The following CRTC1 variants were observed in gnomAD, a reference collection of about 807,000 sequenced individuals.
CRTC1 encodes the protein CREB-regulated transcription coactivator 1.
CRTC1 carries 18 observed loss-of-function variants against 66.1 expected under a neutral mutation model. That is an observed-to-expected ratio of 0.27 (90% CI 0.19 to 0.40). The LOEUF is 0.40. Ranked by LOEUF, CRTC1 falls within the 10% of genes least tolerant of loss-of-function variation. The pLI, the probability that CRTC1 is intolerant of heterozygous loss-of-function variation, is 1.00. For missense variants in CRTC1, 669 were observed against 887.9 expected (o/e 0.75, Z 3.13); for synonymous variants, 416 against 398.8 (o/e 1.04, Z -0.51).
rs1190745753 is a variant in CRTC1, at chr19:18,760,850, C to T, written c.886+622C>T. On this transcript the variant is annotated intron_variant, in intron 8 of 13. Coordinates refer to ENST00000321949, the MANE Select transcript of CRTC1 (RefSeq NM_015321.3). The surrounding 1 kb of genome is among the most constrained non-coding windows in gnomAD (Gnocchi z 6.2). ...TGTCCTTTCCCAGACATGGACCTGA[C>T]CCATTGTCAGCGTGTCCTGTCGGTT... is the stretch of plus-strand genomic sequence containing the variant. Among the ~76,000 whole-genome samples, 1 of 151,954 alleles carries T rather than the reference C, an allele frequency of 6.6e-6. No individual in the cohort carries two copies. The highest frequency in any genetic ancestry group is 1.5e-5 in the Non-Finnish European group (1 of 67,974).
chr19:18,695,220 C>T (rs767671972), intron 1 of CRTC1, among the ~76,000 whole-genome samples: 2 of 151,956 alleles, frequency 1.3e-5, no homozygotes, highest in African/African-American at 2.4e-5. Flanking sequence ...TTTGCCAGGC[C>T]GGTCTCGAAC....
Position 18,780,731 on chromosome 19 carries a change from G to A in CRTC1, c.*3349G>A. 4.6e-6 allele frequency: 1 copy of A among 216,660 alleles called. No individual in the cohort carries two copies. The highest frequency in any genetic ancestry group is 9.3e-6 in the Non-Finnish European group (1 of 107,456). 13.4% of individuals were successfully genotyped at this position (216,660 alleles called of 1,614,324 possible). ...TTTTTTAGAGATGGGGTCTTGCTGT[G>A]TTGCCCAGGCTGGTCTCGGACTCCT... is the stretch of plus-strand genomic sequence containing the variant. On this transcript the variant is annotated 3_prime_UTR_variant, in exon 14 of 14. Coordinates refer to ENST00000321949, the MANE Select transcript of CRTC1 (RefSeq NM_015321.3).
intron 2 of CRTC1, 139 bp downstream of exon 2, chr19:18,743,165 C>T (rs2054148172): frequency 1.4e-6 from 1 of 713,780 alleles, no homozygotes; most frequent in East Asian, 2.7e-5. Flanking sequence ...CCTTGTCTGC[C>T]CTGGGAACCA....
intron 1 of CRTC1, among the ~76,000 whole-genome samples, chr19:18,730,639 G>A (rs1248786105): frequency 2.0e-5 from 3 of 152,054 alleles, no homozygotes; most frequent in African/African-American, 7.2e-5. Flanking sequence ...TCCCACCCCT[G>A]CAGTTCCTGC....
chr19:18,773,454 G>A (rs141281747), intron 11 of CRTC1, among the ~76,000 whole-genome samples: 3 of 152,280 alleles, frequency 2.0e-5, no homozygotes, highest in African/African-American at 7.2e-5. Context: ...GTGTTCCCCT[G>A]TGTATGCCAG....
intron 4 of CRTC1, 25 bp downstream of exon 4, chr19:18,747,139 C>A (rs549673260): frequency 9.1e-6 from 8 of 882,428 alleles, no homozygotes; most frequent in African/African-American, 5.4e-5. Context: ...ACCCCCCCCC[C>A]GCCCCCTTCT....
At chr19:18,738,372 T>G (rs2054043279) in intron 1 of CRTC1, among the ~76,000 whole-genome samples, 1 of 152,054 alleles carries the variant, frequency 6.6e-6, no homozygotes. Flanking sequence ...GAAAAAAAAT[T>G]ATACTTGGAT....
chr19:18,736,711 G>C (rs749615351), intron 1 of CRTC1, among the ~76,000 whole-genome samples: 1 of 149,886 alleles, frequency 6.7e-6, no homozygotes, highest in Admixed American at 6.6e-5. Flanking sequence ...GAGGTGGAGA[G>C]GGGGGGAAAC....
chr19:18,701,769 C>A (rs1177079800), intron 1 of CRTC1, among the ~76,000 whole-genome samples: 1 of 151,772 alleles, frequency 6.6e-6, no homozygotes, highest in East Asian at 1.9e-4. Context: ...CCAGGCCCAG[C>A]TAATGTTTTT....
chr19:18,765,577 G>A, intron 9 of CRTC1, 49 bp downstream of exon 9: 1 of 1,563,950 alleles, frequency 6.4e-7, no homozygotes. Context: ...GGGAAAGGTG[G>A]AGGCCTGGCT....
At chr19:18,730,415 C>T (rs2053860006) in intron 1 of CRTC1, among the ~76,000 whole-genome samples, 1 of 152,096 alleles carries the variant, frequency 6.6e-6, no homozygotes, top group East Asian at 1.9e-4. Flanking sequence ...TTCACAGGGC[C>T]TTCCGGGTAG....
At chr19:18,759,889 A>G in intron 7 of CRTC1, 119 bp from the exon 8 acceptor site, 1 of 838,216 alleles carries the variant, frequency 1.2e-6, no homozygotes, top group South Asian at 1.7e-5. Flanking sequence ...TCCCAAGCAC[A>G]CGGCACCTGA....
At chr19:18,698,689 C>G (rs892066156) in intron 1 of CRTC1, among the ~76,000 whole-genome samples, 3 of 151,730 alleles carry the variant, frequency 2.0e-5, no homozygotes, top group Non-Finnish European at 4.4e-5. Context: ...ACAGTGTGTA[C>G]TAAGCAGGTG....
At chr19:18,736,143 G>A (rs2053992178) in intron 1 of CRTC1, among the ~76,000 whole-genome samples, 1 of 152,214 alleles carries the variant, frequency 6.6e-6, no homozygotes, top group Non-Finnish European at 1.5e-5. Flanking sequence ...TGCCCTGTGG[G>A]GGTGTCCTTC....
intron 11 of CRTC1, among the ~76,000 whole-genome samples, chr19:18,772,783 C>G (rs2240012): frequency 6.6e-6 from 1 of 152,056 alleles, no homozygotes; most frequent in Non-Finnish European, 1.5e-5. Flanking sequence ...CTGGTGTCTG[C>G]GCATGCTTGG....
chr19:18,763,508 G>A (rs1169018079), intron 8 of CRTC1, among the ~76,000 whole-genome samples: 1 of 152,246 alleles, frequency 6.6e-6, no homozygotes, highest in Non-Finnish European at 1.5e-5. Context: ...TGTGTAAGTT[G>A]CCCTGTGATC....
intron 7 of CRTC1, 136 bp from the exon 8 acceptor site, chr19:18,759,872 A>T (rs1447601011): frequency 6.5e-6 from 5 of 772,444 alleles, no homozygotes; most frequent in Non-Finnish European, 8.4e-6. Context: ...GCCAGCCAAC[A>T]GTGGTTTCCC....
intron 1 of CRTC1, among the ~76,000 whole-genome samples, chr19:18,735,032 A>T (rs1600880865): frequency 6.6e-6 from 1 of 152,138 alleles, no homozygotes; most frequent in African/African-American, 2.4e-5. Context: ...CCTCCCCCAC[A>T]ACACGCACAG....
rs759079551 is a variant in CRTC1, at chr19:18,768,766, G to A, written c.1293G>A (p.Gln431=). Residue 431 remains glutamine (Q), a synonymous_variant, in exon 10 of 14, where the codon CAG becomes CAA. Transcript: ENST00000321949. The surrounding 1 kb of genome is among the most constrained non-coding windows in gnomAD (Gnocchi z 5.6). ...LPQSPPENPG[Q]PSMGIDIASA... ...AGTCCCCCCCAGAGAACCCTGGCCA[G>A]CCATCGATGGGGATCGACATCGCCT... 6.2e-7 allele frequency: 1 copy of A among 1,602,680 alleles called. No individual in the cohort carries two copies. The highest frequency in any genetic ancestry group is 8.5e-7 in the Non-Finnish European group (1 of 1,175,810).
Sources: allele counts gnomAD v4.1 joint callset (sites outside exome capture counted in the v4.1 genomes callset), GRCh38; gene constraint gnomAD v4.1.1; non-coding constraint Gnocchi (gnomAD v3.1); transcripts MANE v1.5; gene names NCBI Gene and HGNC (gene_info 2026-07-23, HGNC 2026-07-21).